SOBP: variants seen among roughly 807,000 people sequenced by gnomAD.
The protein encoded by SOBP is sine oculis binding protein homolog.
A neutral mutation model predicts 53.6 loss-of-function variants in SOBP; 4 were observed. The observed-to-expected ratio is 0.07, with a 90% CI of 0.04 to 0.17. The LOEUF is 0.17. Among genes scored for constraint, SOBP ranks in the 10% least tolerant of loss-of-function variants. The pLI is 1.00. For missense variants in SOBP, 1,088 were observed against 1,204.7 expected, an observed-to-expected ratio of 0.90 and a Z score of 1.43; for synonymous variants, 584 against 522.6, an observed-to-expected ratio of 1.12 and a Z score of -1.60.
intron 4 of SOBP, among the ~76,000 whole-genome samples, chr6:107,559,154 A>C (rs749250961): frequency 6.6e-6 from 1 of 152,232 alleles, no homozygotes; most frequent in African/African-American, 2.4e-5. Flanking sequence ...AAGAACATTG[A>C]AAGGAATGTT....
intron 4 of SOBP, among the ~76,000 whole-genome samples, chr6:107,534,226 AT>A (rs957569943): frequency 2.6e-5 from 4 of 152,032 alleles, no homozygotes; most frequent in African/African-American, 9.7e-5. Flanking sequence ...CATCGTTAGA[AT>A]TTTTTTTGGT....
chr6:107,637,420 A>G (rs1284079622), intron 6 of SOBP, among the ~76,000 whole-genome samples: 1 of 152,248 alleles, frequency 6.6e-6, no homozygotes, highest in Non-Finnish European at 1.5e-5. Context: ...GAGGAAGAAT[A>G]CTAAAAATGA....
intron 4 of SOBP, among the ~76,000 whole-genome samples, chr6:107,577,034 C>T (rs566864779): frequency 2.2e-5 from 2 of 91,620 alleles, no homozygotes; most frequent in South Asian, 5.7e-4. Flanking sequence ...TCCATGACTA[C>T]CCTCACCAGC....
At position 107,635,356 on chromosome 6, in the gene SOBP, G is replaced by A. The variant is rs1770993059; in HGVS notation, c.2512G>A (p.Ala838Thr). 1.9e-6 allele frequency: 3 copies of A among 1,613,584 alleles called. No individual in the cohort carries two copies. Among genetic ancestry groups the A allele is most frequent in the Non-Finnish European group, 1.7e-6 (2 of 1,180,038 alleles). The change falls in exon 6 of 7, where the codon GCT becomes ACT. Residue 838 changes from alanine (A) to threonine (T), a missense_variant. Ala to Thr is a moderately conservative substitution (Grantham distance 58, BLOSUM62 0). Coordinates refer to ENST00000317357, the MANE Select transcript of SOBP (RefSeq NM_018013.4). The surrounding 1 kb of genome is among the most constrained non-coding windows in gnomAD (Gnocchi z 4.5). ...GCCTGTGCCAAAACCCGCGGAGAAG[G>A]CTGCCATGGCACCGTGCATCATCTC... ...IQPVPKPAEK[A>T]AMAPCIISSP...
At chr6:107,559,728 A>G (rs1024681978) in intron 4 of SOBP, among the ~76,000 whole-genome samples, 3 of 152,088 alleles carry the variant, frequency 2.0e-5, no homozygotes, top group African/African-American at 7.3e-5. Context: ...GTCATATGAA[A>G]CCTCTTATTT....
chr6:107,494,973 CAG>C (rs1163584963), intron 1 of SOBP, among the ~76,000 whole-genome samples: 1 of 152,118 alleles, frequency 6.6e-6, no homozygotes, highest in African/African-American at 2.4e-5. Flanking sequence ...AGAGAGAAAT[CAG>C]AGCATGGACT....
chr6:107,544,934 T>C (rs1007934523), intron 4 of SOBP, among the ~76,000 whole-genome samples: 1 of 152,224 alleles, frequency 6.6e-6, no homozygotes, highest in Non-Finnish European at 1.5e-5. Flanking sequence ...TAATACTAAA[T>C]CATTTCGGAG....
intron 4 of SOBP, among the ~76,000 whole-genome samples, chr6:107,536,739 A>G (rs899461199): frequency 3.9e-5 from 6 of 152,104 alleles, no homozygotes; most frequent in African/African-American, 7.2e-5. Context: ...AAATACTTCT[A>G]CTCAACACTG....
At chr6:107,631,232 A>G (rs527416372) in intron 5 of SOBP, among the ~76,000 whole-genome samples, 20 of 152,332 alleles carry the variant, frequency 1.3e-4, no homozygotes, top group Admixed American at 3.9e-4. Flanking sequence ...CCAAAAAAAT[A>G]TGCCAGAAAA....
At chr6:107,502,087 T>C (rs1782856799) in intron 1 of SOBP, among the ~76,000 whole-genome samples, 1 of 152,182 alleles carries the variant, frequency 6.6e-6, no homozygotes, top group African/African-American at 2.4e-5. Flanking sequence ...GTGGGTAGTT[T>C]GAAATGCCAG....
intron 6 of SOBP, among the ~76,000 whole-genome samples, chr6:107,644,066 C>T (rs1322317838): frequency 6.6e-6 from 1 of 152,194 alleles, no homozygotes; most frequent in Non-Finnish European, 1.5e-5. Context: ...CATTGGGAGG[C>T]CAAGGCGGGT....
At chr6:107,591,161 A>T (rs1383193258) in intron 5 of SOBP, among the ~76,000 whole-genome samples, 1 of 152,142 alleles carries the variant, frequency 6.6e-6, no homozygotes. Context: ...ATCACATCAC[A>T]CTTTTGGATC....
chr6:107,611,854 A>C (rs1786611675), intron 5 of SOBP, among the ~76,000 whole-genome samples: 1 of 152,184 alleles, frequency 6.6e-6, no homozygotes, highest in South Asian at 2.1e-4. Flanking sequence ...CATCGGGAAA[A>C]CTGGTGAACT....
chr6:107,638,264 G>T (rs896007766), intron 6 of SOBP, among the ~76,000 whole-genome samples: 3 of 152,122 alleles, frequency 2.0e-5, no homozygotes, highest in African/African-American at 7.2e-5. Flanking sequence ...AGGCTGGAGC[G>T]CAGTGGCGCG....
intron 5 of SOBP, among the ~76,000 whole-genome samples, chr6:107,588,754 T>G (rs1051400413): frequency 1.3e-5 from 2 of 152,236 alleles, no homozygotes; most frequent in African/African-American, 2.4e-5. Flanking sequence ...GAACATCGTT[T>G]TTAGCTGTCT....
intron 6 of SOBP, among the ~76,000 whole-genome samples, chr6:107,649,631 G>A (rs1332276850): frequency 6.6e-6 from 1 of 150,502 alleles, no homozygotes; most frequent in Non-Finnish European, 1.5e-5. Flanking sequence ...TTTCTTTTTT[G>A]GGAGTGAACA....
chr6:107,503,559 C>T, intron 1 of SOBP, 98 bp from the exon 2 acceptor site: 3 of 1,351,038 alleles, frequency 2.2e-6, no homozygotes, highest in Non-Finnish European at 3.2e-6. Context: ...GGCAGGGCTG[C>T]AAATAAATGA....
chr6:107,598,509 A>G (rs1786033970), intron 5 of SOBP, among the ~76,000 whole-genome samples: 1 of 152,216 alleles, frequency 6.6e-6, no homozygotes, highest in South Asian at 2.1e-4. Flanking sequence ...TGCTAGCGTC[A>G]TTCTGTGAGT....
chr6:107,549,451 A>AG (rs1053276185), intron 4 of SOBP, among the ~76,000 whole-genome samples: 5 of 151,478 alleles, frequency 3.3e-5, no homozygotes, highest in African/African-American at 1.2e-4. Context: ...AAACTCAGGA[A>AG]AAAAAAAACC....
Sources: allele counts gnomAD v4.1 joint callset (sites outside exome capture counted in the v4.1 genomes callset), GRCh38; gene constraint gnomAD v4.1.1; non-coding constraint Gnocchi (gnomAD v3.1); transcripts MANE v1.5; gene names NCBI Gene and HGNC (gene_info 2026-07-23, HGNC 2026-07-21).